EHD1: variants seen among roughly 807,000 people sequenced by gnomAD.
EHD1 encodes the protein EH domain-containing protein 1.
Under a neutral mutation model 39.0 loss-of-function variants are expected in EHD1, and 19 were observed. The ratio of observed to expected loss-of-function variants is 0.49; its 90% CI spans 0.34 to 0.72. The LOEUF (loss-of-function observed/expected upper bound fraction) is 0.72, where lower values mean the gene tolerates loss of function less well. Ranked by LOEUF, EHD1 falls within the 30% of genes least tolerant of loss-of-function variation. The pLI is 0.01. For missense variants in EHD1, 542 were observed against 751.5 expected (o/e 0.72, Z 3.26); for synonymous variants, 323 against 331.2 (o/e 0.98, Z 0.27).
intron 2 of EHD1, among the ~76,000 whole-genome samples, chr11:64,861,274 AAC>A (rs778724698): frequency 6.6e-6 from 1 of 152,022 alleles, no homozygotes; most frequent in Non-Finnish European, 1.5e-5. Context: ...CCCCCACCAT[AAC>A]ACTCCCCAAC....
In EHD1 at chr11:64,868,256, C is replaced by A. The variant is rs1347390159; in HGVS notation, c.502+6165G>T. ...AGCTCTCCATCACACAGGTTTCCAA[C>A]GCGTGCTGGGCCTCGTTCCTGGGCT... On this transcript the variant is annotated intron_variant, in intron 2 of 4. Transcript: ENST00000320631. This position sits in a 1 kb window ranked among gnomAD's most constrained non-coding sequence, Gnocchi z 4.2. Among the ~76,000 whole-genome samples the A allele has an allele frequency of 6.6e-6, 1 of 152,212 alleles. No individual in the cohort carries two copies. The highest frequency in any genetic ancestry group is 2.4e-5 in the African/African-American group (1 of 41,442).
intron 2 of EHD1, among the ~76,000 whole-genome samples, chr11:64,867,650 G>A (rs1240239276): frequency 2.0e-5 from 3 of 152,112 alleles, no homozygotes; most frequent in African/African-American, 2.4e-5. Flanking sequence ...ACCCAGAGGC[G>A]GAGGTTGCAG....
chr11:64,861,947 A>C (rs755886196), intron 2 of EHD1, among the ~76,000 whole-genome samples: 1 of 152,164 alleles, frequency 6.6e-6, no homozygotes, highest in Non-Finnish European at 1.5e-5. Context: ...TTGCTCTGTC[A>C]CCCAGGCTGG....
chr11:64,857,291 ACGGGCGC>A (rs1406475046), intron 3 of EHD1, among the ~76,000 whole-genome samples: 5 of 152,028 alleles, frequency 3.3e-5, no homozygotes. Flanking sequence ...GGGTGTGGTG[ACGGGCGC>A]CTGCAATCCC....
Position 64,854,698 on chromosome 11 carries a change from A to G in EHD1, c.1240T>C (p.Phe414Leu), listed in dbSNP as rs1397360498. The G allele has an allele frequency of 6.2e-7, 1 of 1,613,424 alleles. No homozygotes were observed. Among genetic ancestry groups the G allele is most frequent in the Non-Finnish European group, 8.5e-7 (1 of 1,179,988 alleles). The change falls in exon 5 of 5, where the codon TTT (phenylalanine) becomes CTT (leucine). Residue 414 changes from phenylalanine (F) to leucine (L), a missense_variant. Coordinates refer to ENST00000320631, the MANE Select transcript of EHD1 (RefSeq NM_006795.4). The part of the protein sequence containing the change: ...MPSQVVKGGA[F>L]DGTMNGPFGH... ...AACGGCCCGTTCATGGTGCCGTCAA[A>G]GGCGCCGCCCTTGACCACCTGGGAA...
upstream of EHD1, chr11:64,879,519 G>T: frequency 6.6e-7 from 1 of 1,505,026 alleles, no homozygotes; most frequent in Non-Finnish European, 9.0e-7. Flanking sequence ...GGAATTTAGG[G>T]GGAAGTTTAA....
chr11:64,868,340 T>C lies in EHD1; in HGVS notation c.502+6081A>G, dbSNP rs920333339. On this transcript the variant is annotated intron_variant, in intron 2 of 4. Transcript: ENST00000320631. This position sits in a 1 kb window ranked among gnomAD's most constrained non-coding sequence, Gnocchi z 4.2. ...CAGTGGAGCACAGAGGCGCCTCCGTTCCTCAGCATTTACCTGAGAGCAGCA... is the reference window on the plus strand; with the variant it reads ...CAGTGGAGCACAGAGGCGCCTCCGTCCCTCAGCATTTACCTGAGAGCAGCA... Among the ~76,000 whole-genome samples the C allele has an allele frequency of 1.4e-4, 22 of 152,192 alleles. No individual in the cohort carries two copies. The highest frequency in any genetic ancestry group is 5.3e-4 in the African/African-American group (22 of 41,516).
Position 64,854,165 on chromosome 11 carries a change from C to T in EHD1, c.*168G>A, listed in dbSNP as rs565074634. On this transcript the variant is annotated 3_prime_UTR_variant, in exon 5 of 5. Transcript: ENST00000320631. ...TCCATCCTCTCACCCCTGCCTCCCCCGCCAGGCCCAGGAACAGCCTTAAAA... is the reference window on the plus strand; with the variant it reads ...TCCATCCTCTCACCCCTGCCTCCCCTGCCAGGCCCAGGAACAGCCTTAAAA... 71 of 1,207,824 alleles carry T rather than the reference C, an allele frequency of 5.9e-5. No homozygotes were observed. Among genetic ancestry groups the T allele is most frequent in the Middle Eastern group, 2.8e-4 (1 of 3,524 alleles). The allele number at this position is 1,207,824 out of a possible 1,614,324, so 74.8% of individuals were successfully genotyped here.
At chr11:64,860,368 G>T in intron 2 of EHD1, 32 bp from the exon 3 acceptor site, 1 of 1,587,668 alleles carries the variant, frequency 6.3e-7, no homozygotes, top group Non-Finnish European at 8.6e-7. Flanking sequence ...GCTCAGGGGC[G>T]CCAAGGGACC....
rs371387790 is a variant in EHD1 at position 64,854,765 on chromosome 11, C to T, written c.1173G>A (p.Ala391=). ...CCTGCCGCACCATCACCATCAGCCG[C>T]GCGATGTCGTTGGCCAGCATGTCAT... ...TVDDMLANDI[A]RLMVMVRQEE... The change falls in exon 5 of 5, where the codon GCG becomes GCA. Residue 391 remains alanine, a synonymous_variant. Transcript: ENST00000320631. The T allele has an allele frequency of 1.1e-4, 170 of 1,609,252 alleles. No homozygotes were observed. The highest frequency in any genetic ancestry group is 2.1e-4 in the African/African-American group (16 of 74,908).
Position 64,854,782 on chromosome 11 carries a change from G to A in EHD1, c.1156C>T (p.Leu386=). Residue 386 remains leucine (L), a synonymous_variant, in exon 5 of 5, where the codon CTG becomes TTG. Coordinates refer to ENST00000320631, the MANE Select transcript of EHD1 (RefSeq NM_006795.4). ...ATCAGCCGCGCGATGTCGTTGGCCA[G>A]CATGTCATCCACCGTGTCCAGCAGC... ...PKLLDTVDDM[L]ANDIARLMVM... is the part of the protein sequence containing the mutation. The A allele has an allele frequency of 1.2e-6, 2 of 1,606,448 alleles. No homozygotes were observed. Among genetic ancestry groups the A allele is most frequent in the Admixed American group, 1.7e-5 (1 of 60,018 alleles).
chr11:64,876,513 C>T (rs1044630277), intron 1 of EHD1, among the ~76,000 whole-genome samples: 4 of 152,188 alleles, frequency 2.6e-5, no homozygotes, highest in African/African-American at 9.7e-5. Context: ...CGGTCTCGGA[C>T]AAAGCAATCT....
chr11:64,864,458 A>G (rs770820264), intron 2 of EHD1, among the ~76,000 whole-genome samples: 1 of 152,232 alleles, frequency 6.6e-6, no homozygotes, highest in East Asian at 1.9e-4. Flanking sequence ...GCAGAAAACC[A>G]GAAAGAGAGG....
At chr11:64,879,453 G>A (rs1943929794), upstream of EHD1, 7 of 1,230,208 alleles carry the variant, frequency 5.7e-6, no homozygotes, top group Non-Finnish European at 7.9e-6. Context: ...AAGTGAAATC[G>A]GAAATTCCCT....
At chr11:64,874,370 G>A (rs1260582517) in intron 2 of EHD1, 51 bp downstream of exon 2, 80 of 1,462,804 alleles carry the variant, frequency 5.5e-5, no homozygotes, top group Non-Finnish European at 7.2e-5. Flanking sequence ...ATCTTAGAGA[G>A]AAGGATGTGT....
chr11:64,857,529 G>A (rs1943666525), intron 3 of EHD1, among the ~76,000 whole-genome samples: 1 of 152,202 alleles, frequency 6.6e-6, no homozygotes, highest in African/African-American at 2.4e-5. Context: ...ACAGCTCACG[G>A]AGGTTCAGGC....
At chr11:64,869,900 C>T (rs1446320937) in intron 2 of EHD1, among the ~76,000 whole-genome samples, 1 of 152,178 alleles carries the variant, frequency 6.6e-6, no homozygotes, top group African/African-American at 2.4e-5. Flanking sequence ...CGCAGGCCTG[C>T]CTCTGGGCCG....
intron 2 of EHD1, among the ~76,000 whole-genome samples, chr11:64,870,094 C>T (rs961415371): frequency 7.9e-5 from 12 of 152,216 alleles, no homozygotes; most frequent in Non-Finnish European, 5.9e-5. Flanking sequence ...GAACACAATA[C>T]CAGCACTGCT....
rs1200875095 is a variant in EHD1 at position 64,878,516 on chromosome 11, G to A, written c.-52C>T. 3 of 1,535,608 alleles carry A rather than the reference G, an allele frequency of 2.0e-6. No individual in the cohort carries two copies. The highest frequency in any genetic ancestry group is 1.4e-5 in the African/African-American group (1 of 73,612). ...CGGGGCAGAGCGGCGGCTGAGAGCG[G>A]GGCGAGGGTGCGGAGCCGAGGCGGG... On this transcript the variant is annotated 5_prime_UTR_variant, in exon 1 of 5. Transcript: ENST00000320631.
Sources: allele counts gnomAD v4.1 joint callset (sites outside exome capture counted in the v4.1 genomes callset), GRCh38; gene constraint gnomAD v4.1.1; non-coding constraint Gnocchi (gnomAD v3.1); transcripts MANE v1.5; gene names NCBI Gene and HGNC (gene_info 2026-07-23, HGNC 2026-07-21).